The following AS3MT variants were observed in gnomAD, a reference collection of about 807,000 sequenced individuals.
The protein encoded by AS3MT is S-adenosyl-L-methionine:arsenic(III) methyltransferase.
Under a neutral mutation model 45.3 loss-of-function variants are expected in AS3MT, and 47 were observed. The ratio of observed to expected loss-of-function variants is 1.04; its 90% CI spans 0.82 to 1.32. AS3MT has a LOEUF of 1.32. AS3MT is among the 40% of genes most tolerant of loss of function. The probability of loss-of-function intolerance (pLI) is 0.00; values close to 1 mark genes in which losing one functional copy is unlikely to be tolerated. For missense variants in AS3MT, 396 were observed against 451.1 expected (o/e 0.88, Z 1.11); for synonymous variants, 141 against 152.8 (o/e 0.92, Z 0.57).
At chr10:102,884,551 T>C (rs974657889) in intron 9 of AS3MT, among the ~76,000 whole-genome samples, 11 of 151,976 alleles carry the variant, frequency 7.2e-5, no homozygotes, top group African/African-American at 2.7e-4. Flanking sequence ...GGTTCAACTT[T>C]TTGTTTGTTT....
chr10:102,888,757 C>A (rs904155949), intron 9 of AS3MT, among the ~76,000 whole-genome samples: 75 of 150,804 alleles, frequency 5.0e-4, no homozygotes, highest in African/African-American at 1.8e-3. Context: ...TCAAATTATT[C>A]TCTTCTAGCT....
chr10:102,870,309 C>A, intron 3 of AS3MT, 98 bp downstream of exon 3: 1 of 1,433,060 alleles, frequency 7.0e-7, no homozygotes. Context: ...TAGCCACCAA[C>A]CCATCAGCTT....
intron 9 of AS3MT, among the ~76,000 whole-genome samples, chr10:102,882,467 G>A (rs1844879801): frequency 6.6e-6 from 1 of 150,854 alleles, no homozygotes. Context: ...GGGGTACACT[G>A]GCTATTCACA....
intron 9 of AS3MT, among the ~76,000 whole-genome samples, chr10:102,885,733 T>G (rs867885636): frequency 1.8e-5 from 2 of 108,926 alleles, no homozygotes; most frequent in African/African-American, 6.7e-5. Context: ...GTTTCACCGT[T>G]TTAGCCGGGA....
Position 102,878,393 on chromosome 10 carries a change from G to T in AS3MT, c.625G>T (p.Gly209Cys). Residue 209 changes from glycine (G) to cysteine (C), a missense_variant, in exon 8 of 11, where the codon GGT (glycine) becomes TGT (cysteine). Gly to Cys is a radical substitution (Grantham distance 159). Coordinates refer to ENST00000369880, the MANE Select transcript of AS3MT (RefSeq NM_020682.4). Reference sequence around the variant, plus strand: ...TTGTTTTTTAGGTGAGTGTCTGGGTGGTGCTTTATACTGGAAGGAACTTGC... The same window carrying T: ...TTGTTTTTTAGGTGAGTGTCTGGGTTGTGCTTTATACTGGAAGGAACTTGC... ...HKVLWGECLG[G>C]ALYWKELAVL... The T allele has an allele frequency of 6.2e-7, 1 of 1,613,936 alleles. No homozygotes were observed. The highest frequency in any genetic ancestry group is 8.5e-7 in the Non-Finnish European group (1 of 1,179,964).
intron 1 of AS3MT, 51 bp from the exon 2 acceptor site, chr10:102,869,754 G>T: frequency 6.2e-7 from 1 of 1,613,494 alleles, no homozygotes; most frequent in Non-Finnish European, 8.5e-7. Context: ...CCTCCCTCAT[G>T]CCCGTCCCTC....
rs549621230 is a variant in AS3MT, at chr10:102,873,862, G to C, written c.458+629G>C. 2.0e-5 allele frequency among the ~76,000 whole-genome samples: 3 copies of C among 152,266 alleles called. No individual in the cohort carries two copies. The South Asian group carries it at 6.2e-4, about 32-fold the overall frequency. Reference sequence around the variant, plus strand: ...ATAATATTTTCATGGTAAATTATAGGATTCTATTTCCTTTTTTCCCTCAAG... The same window carrying C: ...ATAATATTTTCATGGTAAATTATAGCATTCTATTTCCTTTTTTCCCTCAAG... On this transcript the variant is annotated intron_variant, in intron 5 of 10. Coordinates refer to ENST00000369880, the MANE Select transcript of AS3MT (RefSeq NM_020682.4).
At chr10:102,886,656 C>T (rs1844963140) in intron 9 of AS3MT, among the ~76,000 whole-genome samples, 1 of 152,014 alleles carries the variant, frequency 6.6e-6, no homozygotes, top group Non-Finnish European at 1.5e-5. Context: ...CAGGGTCTCA[C>T]TCTGTCACCT....
chr10:102,899,802 A>T (rs1845241980), intron 10 of AS3MT, among the ~76,000 whole-genome samples: 1 of 151,572 alleles, frequency 6.6e-6, no homozygotes, highest in African/African-American at 2.4e-5. Context: ...CGAGTAGCTG[A>T]GACTACAGAC....
chr10:102,883,389 CT>C (rs1002761228), intron 9 of AS3MT, among the ~76,000 whole-genome samples: 8 of 151,896 alleles, frequency 5.3e-5, no homozygotes, highest in African/African-American at 1.9e-4. Context: ...ATGTGAGCCA[CT>C]GTGCCCAGCC....
intron 6 of AS3MT, among the ~76,000 whole-genome samples, chr10:102,875,063 T>A (rs1844761114): frequency 6.6e-6 from 1 of 152,224 alleles, no homozygotes; most frequent in South Asian, 2.1e-4. Context: ...CTGTCATGAT[T>A]TCAGATCTTT....
chr10:102,871,772 A>T (rs1844693302), intron 3 of AS3MT, among the ~76,000 whole-genome samples: 1 of 151,772 alleles, frequency 6.6e-6, no homozygotes, highest in Non-Finnish European at 1.5e-5. Flanking sequence ...AAAACAAAAA[A>T]CGCCTATGGG....
chr10:102,897,576 C>T (rs1461868945), intron 10 of AS3MT, among the ~76,000 whole-genome samples: 1 of 151,474 alleles, frequency 6.6e-6, no homozygotes, highest in Admixed American at 6.6e-5. Context: ...AACAATTCTC[C>T]TGCCTCAGCT....
intron 10 of AS3MT, among the ~76,000 whole-genome samples, chr10:102,894,650 A>G (rs1280405804): frequency 6.6e-6 from 1 of 152,144 alleles, no homozygotes; most frequent in Admixed American, 6.6e-5. Context: ...CTTAAGACTG[A>G]TAGAACAGAC....
chr10:102,893,869 G>C (rs1218481784), intron 10 of AS3MT, among the ~76,000 whole-genome samples: 4 of 151,610 alleles, frequency 2.6e-5, no homozygotes, highest in Non-Finnish European at 5.9e-5. Flanking sequence ...GCTGATCTTA[G>C]GTGACCAACC....
chr10:102,872,300 A>T (rs1416693017), intron 3 of AS3MT, 148 bp from the exon 4 acceptor site: 28 of 816,254 alleles, frequency 3.4e-5, no homozygotes, highest in Non-Finnish European at 5.4e-5. Context: ...AGTGGAGACT[A>T]AACATCAGAA....
At chr10:102,887,486 A>G (rs1035435146) in intron 9 of AS3MT, among the ~76,000 whole-genome samples, 7 of 152,124 alleles carry the variant, frequency 4.6e-5, no homozygotes, top group African/African-American at 1.7e-4. Flanking sequence ...TGTTTGCTTT[A>G]TATACTTTGG....
At chr10:102,887,443 A>G (rs72841273) in intron 9 of AS3MT, among the ~76,000 whole-genome samples, 6,822 of 152,242 alleles carry the variant, frequency 0.045, 160 homozygotes, top group Non-Finnish European at 0.057. Flanking sequence ...CTACTATTGC[A>G]TTACAGTATA....
intron 9 of AS3MT, among the ~76,000 whole-genome samples, chr10:102,883,238 C>CTACA (rs765468777): frequency 6.6e-6 from 1 of 151,280 alleles, no homozygotes; most frequent in Non-Finnish European, 1.5e-5. Flanking sequence ...GTAGCTTGGA[C>CTACA]TACAGGTGGG....
Sources: allele counts gnomAD v4.1 joint callset (sites outside exome capture counted in the v4.1 genomes callset), GRCh38; gene constraint gnomAD v4.1.1; transcripts MANE v1.5; gene names NCBI Gene and HGNC (gene_info 2026-07-23, HGNC 2026-07-21).